HMGXB4: variants seen among roughly 807,000 people sequenced by gnomAD.
The protein encoded by HMGXB4 is HMG domain-containing protein 4.
A neutral mutation model predicts 63.9 loss-of-function variants in HMGXB4; 27 were observed. The observed-to-expected ratio is 0.42, with a 90% CI of 0.31 to 0.58. The LOEUF is 0.58. HMGXB4 is among the 20% of genes least tolerant of loss of function. HMGXB4 has a pLI of 0.13. For missense variants in HMGXB4, 624 were observed against 700.7 expected (o/e 0.89, Z 1.24); for synonymous variants, 264 against 265.3 (o/e 0.99, Z 0.05).
chr22:35,272,448 T>A (rs1923664141), intron 5 of HMGXB4, among the ~76,000 whole-genome samples: 1 of 152,170 alleles, frequency 6.6e-6, no homozygotes. Flanking sequence ...GTTGGTTGGT[T>A]GGTTTTACTG....
chr22:35,273,322 A>G (rs1923720219), intron 5 of HMGXB4, among the ~76,000 whole-genome samples: 1 of 152,174 alleles, frequency 6.6e-6, no homozygotes, highest in African/African-American at 2.4e-5. Context: ...GCCTTTCCAC[A>G]ACTTTAAGAC....
chr22:35,271,238 A>C (rs1165126447), intron 5 of HMGXB4, among the ~76,000 whole-genome samples: 1 of 152,136 alleles, frequency 6.6e-6, no homozygotes, highest in Non-Finnish European at 1.5e-5. Flanking sequence ...CAAAAAAAAT[A>C]AATAAAAAGT....
the HMGXB4 span, among the ~76,000 whole-genome samples, chr22:35,249,177 G>GCCC: frequency 1.1e-4 from 11 of 101,114 alleles, no homozygotes; most frequent in South Asian, 1.0e-3. Flanking sequence ...TCCTGCCTCG[G>GCCC]CCTCCTGAGT....
chr22:35,257,909 G>T (rs961226492), intron 1 of HMGXB4, among the ~76,000 whole-genome samples: 3 of 152,084 alleles, frequency 2.0e-5, no homozygotes, highest in Non-Finnish European at 1.5e-5. Context: ...GCGCCGTGAG[G>T]CCGCCGGAGA....
intron 7 of HMGXB4, among the ~76,000 whole-genome samples, chr22:35,286,706 C>T (rs910446708): frequency 6.6e-6 from 1 of 151,980 alleles, no homozygotes; most frequent in Non-Finnish European, 1.5e-5. Context: ...AAAAATTAGC[C>T]AGGCATGGTG....
intron 9 of HMGXB4, among the ~76,000 whole-genome samples, chr22:35,291,012 C>G (rs1235026827): frequency 1.3e-5 from 2 of 152,054 alleles, no homozygotes; most frequent in Non-Finnish European, 2.9e-5. Context: ...TCCTGTAATC[C>G]CAGGACTCTG....
intron 9 of HMGXB4, among the ~76,000 whole-genome samples, chr22:35,290,547 C>T (rs1352683168): frequency 1.4e-5 from 2 of 147,238 alleles, no homozygotes; most frequent in Non-Finnish European, 1.5e-5. Context: ...AGGAGAATGG[C>T]GTGAACCCAG....
chr22:35,280,155 A>G (rs1287923439), intron 5 of HMGXB4, among the ~76,000 whole-genome samples: 2 of 152,010 alleles, frequency 1.3e-5, no homozygotes, highest in East Asian at 1.9e-4. Flanking sequence ...CTTGCCATAT[A>G]ACGTAATATG....
At chr22:35,276,928 C>T (rs1923945687) in intron 5 of HMGXB4, among the ~76,000 whole-genome samples, 1 of 152,194 alleles carries the variant, frequency 6.6e-6, no homozygotes, top group Admixed American at 6.5e-5. Flanking sequence ...TTTTAAAAAG[C>T]TTATATTGCC....
At chr22:35,263,317 C>G in intron 3 of HMGXB4, 91 bp downstream of exon 3, 7 of 937,398 alleles carry the variant, frequency 7.5e-6, no homozygotes, top group Non-Finnish European at 1.1e-5. Flanking sequence ...TTTTTTTTCT[C>G]TCATGGCCCA....
At chr22:35,287,276 T>C (rs1251528367) in intron 7 of HMGXB4, 71 bp from the exon 8 acceptor site, 6 of 1,236,242 alleles carry the variant, frequency 4.9e-6, no homozygotes, top group Non-Finnish European at 7.0e-6. Context: ...CATTTTGTTC[T>C]TTCATGACTG....
intron 1 of HMGXB4, chr22:35,261,719 T>A: frequency 6.6e-6 from 1 of 152,200 alleles, no homozygotes; most frequent in Non-Finnish European, 1.5e-5. Flanking sequence ...TCAACTGATG[T>A]AAGGAGTGTA....
intron 9 of HMGXB4, among the ~76,000 whole-genome samples, chr22:35,290,996 G>A (rs1924899863): frequency 6.6e-6 from 1 of 152,174 alleles, no homozygotes; most frequent in African/African-American, 2.4e-5. Context: ...GAGCACTGTT[G>A]CTTGTTCCTG....
At chr22:35,263,764 C>T (rs1403226802) in intron 3 of HMGXB4, 32 bp from the exon 4 acceptor site, 2 of 1,499,222 alleles carry the variant, frequency 1.3e-6, no homozygotes, top group Non-Finnish European at 1.9e-6. Context: ...GCCTCATCAT[C>T]TTATTATTGG....
the HMGXB4 span, among the ~76,000 whole-genome samples, chr22:35,246,102 A>G: frequency 2.0e-5 from 3 of 152,108 alleles, no homozygotes. Context: ...CGAAAGCCCC[A>G]GCTTCCTCTT....
intron 9 of HMGXB4, among the ~76,000 whole-genome samples, chr22:35,290,652 A>G (rs1601645500): frequency 1.3e-5 from 2 of 150,662 alleles, no homozygotes; most frequent in African/African-American, 2.4e-5. Flanking sequence ...AAAAAAAAAA[A>G]AGAAACCCTG....
Position 35,295,074 on chromosome 22 carries a change from G to GT in HMGXB4, c.*1428dup, listed in dbSNP as rs1359749480. ...GAAGACAGTTGAGCACTTCAGGATG[G>GT]TTTTTAAATTTGGTATGAGATTCTC... On this transcript the variant is annotated 3_prime_UTR_variant, in exon 11 of 11. Transcript: ENST00000216106. 1 of 152,074 alleles carries GT rather than the reference G, an allele frequency of 6.6e-6. No individual in the cohort carries two copies. Among genetic ancestry groups the GT allele is most frequent in the African/African-American group, 2.4e-5 (1 of 41,436 alleles). 9.4% of individuals were successfully genotyped at this position (152,074 alleles called of 1,614,324 possible).
chr22:35,285,390 C>T (rs914930954), intron 6 of HMGXB4, among the ~76,000 whole-genome samples: 6 of 152,044 alleles, frequency 3.9e-5, no homozygotes, highest in African/African-American at 1.4e-4. Flanking sequence ...ACTAAAAATA[C>T]AAAAATTAGC....
chr22:35,262,245 C>CT lies in HMGXB4; in HGVS notation c.-68-77dup, dbSNP rs1192073290. 6 of 774,428 alleles carry CT rather than the reference C, an allele frequency of 7.7e-6. No homozygotes were observed. The Admixed American group carries it at 1.2e-4, about 15-fold the overall frequency. 48.0% of individuals were successfully genotyped at this position (774,428 alleles called of 1,614,324 possible). ...GCCCTTCCAGTCAGCCCTTGGATCA[C>CT]TGCGCATTTCCATCTGGAAGGTTGC... On this transcript the variant is annotated intron_variant, in intron 1 of 10. Coordinates refer to ENST00000216106, the MANE Select transcript of HMGXB4 (RefSeq NM_001003681.3).
Sources: allele counts gnomAD v4.1 joint callset (sites outside exome capture counted in the v4.1 genomes callset), GRCh38; gene constraint gnomAD v4.1.1; transcripts MANE v1.5; gene names NCBI Gene and HGNC (gene_info 2026-07-23, HGNC 2026-07-21).